Variants in CGGBP1 observed in about 807,000 individuals in gnomAD.
CGGBP1 encodes the protein CGG triplet repeat-binding protein 1.
In CGGBP1, 4 loss-of-function variants were observed where a neutral mutation model predicts 11.4. The observed-to-expected ratio is 0.35, with a 90% CI of 0.17 to 0.80. The LOEUF (loss-of-function observed/expected upper bound fraction) is 0.80. Ranked by LOEUF, CGGBP1 falls within the 30% of genes least tolerant of loss-of-function variation. The pLI is 0.52. For missense variants in CGGBP1, 135 were observed against 202.1 expected (o/e 0.67, Z 2.01); for synonymous variants, 76 against 74.1 (o/e 1.03, Z -0.13).
chr3:88,119,563 C>T (rs1432069402), intron 2 of CGGBP1, among the ~76,000 whole-genome samples: 4 of 150,272 alleles, frequency 2.7e-5, no homozygotes, highest in African/African-American at 9.8e-5. Context: ...AAAAAAAAAA[C>T]AATAATTATT....
chr3:88,084,055 C>G (rs1472534308), intron 2 of CGGBP1, among the ~76,000 whole-genome samples: 1 of 151,904 alleles, frequency 6.6e-6, no homozygotes, highest in Non-Finnish European at 1.5e-5. Context: ...AAAACGGTAT[C>G]TAAATTTCAG....
chr3:88,057,902 A>G (rs1011168059), intron 2 of CGGBP1, 117 bp downstream of exon 2: 8 of 152,254 alleles, frequency 5.3e-5, no homozygotes, highest in Admixed American at 5.2e-4. Context: ...AGAAGAAAAC[A>G]TTTTCAACAA....
chr3:88,058,715 C>A, intron 1 of CGGBP1, 100 bp downstream of exon 1: 1 of 152,480 alleles, frequency 6.6e-6, no homozygotes, highest in Non-Finnish European at 1.5e-5. Flanking sequence ...CAACTGTGCC[C>A]CAGCCCCGCC....
At chr3:88,143,354 A>C (rs1257623554) in intron 1 of CGGBP1, 2 of 152,226 alleles carry the variant, frequency 1.3e-5, no homozygotes, top group African/African-American at 2.4e-5. Flanking sequence ...TGGAATTTAC[A>C]TTTAGGTAAC....
intron 1 of CGGBP1, among the ~76,000 whole-genome samples, chr3:88,145,364 A>G (rs1453903167): frequency 6.6e-6 from 1 of 152,140 alleles, no homozygotes; most frequent in Non-Finnish European, 1.5e-5. Context: ...TGTTACAAGC[A>G]TTATGCCTTG....
In CGGBP1 at chr3:88,088,065, A is replaced by G. The variant is rs2107667899; in HGVS notation, c.-228-29842T>C. Among the ~76,000 whole-genome samples, 2 of 152,344 alleles carry G rather than the reference A, an allele frequency of 1.3e-5. 1 individual carries two copies. The highest frequency in any genetic ancestry group is 4.8e-5 in the African/African-American group (2 of 41,578). On this transcript the variant is annotated intron_variant, in intron 2 of 3. Transcript: ENST00000462901. ...ATTTCTAATTCTGAGCATTTCAGATAAGGGACACTCAACCTATACTACTTT... is the reference window on the plus strand; with the variant it reads ...ATTTCTAATTCTGAGCATTTCAGATGAGGGACACTCAACCTATACTACTTT...
At chr3:88,101,083 C>T (rs1438814267) in intron 2 of CGGBP1, among the ~76,000 whole-genome samples, 1 of 152,180 alleles carries the variant, frequency 6.6e-6, no homozygotes, top group Non-Finnish European at 1.5e-5. Flanking sequence ...TATTTCCCCA[C>T]TCCTTACCCA....
chr3:88,123,899 T>A (rs1705927418), intron 2 of CGGBP1, among the ~76,000 whole-genome samples: 1 of 152,196 alleles, frequency 6.6e-6, no homozygotes. Flanking sequence ...TTTGGGAGCT[T>A]GCTACCTTGC....
intron 2 of CGGBP1, among the ~76,000 whole-genome samples, chr3:88,131,974 G>C (rs753600345): frequency 2.6e-5 from 4 of 152,038 alleles, no homozygotes; most frequent in Non-Finnish European, 4.4e-5. Flanking sequence ...AACCAATGGG[G>C]CAAGTTGCTA....
At chr3:88,127,114 A>G (rs1164065358) in intron 2 of CGGBP1, among the ~76,000 whole-genome samples, 1 of 152,206 alleles carries the variant, frequency 6.6e-6, no homozygotes, top group East Asian at 1.9e-4. Flanking sequence ...TGTAGAAAAC[A>G]TTTAAAAGTG....
chr3:88,129,206 A>T (rs1706292411), intron 2 of CGGBP1, among the ~76,000 whole-genome samples: 1 of 151,968 alleles, frequency 6.6e-6, no homozygotes, highest in Admixed American at 6.6e-5. Context: ...ATCTGATATT[A>T]ACAAATGATG....
chr3:88,091,802 A>C (rs1162614737), intron 2 of CGGBP1, among the ~76,000 whole-genome samples: 2 of 152,174 alleles, frequency 1.3e-5, no homozygotes, highest in South Asian at 2.1e-4. Context: ...CATGTAAGAC[A>C]TGCCTTTGTT....
At chr3:88,099,106 C>G (rs1704242425) in intron 2 of CGGBP1, among the ~76,000 whole-genome samples, 1 of 152,144 alleles carries the variant, frequency 6.6e-6, no homozygotes, top group African/African-American at 2.4e-5. Flanking sequence ...AGCCCAAAAT[C>G]TCCTTAAGCT....
chr3:88,140,207 T>C, intron 2 of CGGBP1: 1 of 1,613,880 alleles, frequency 6.2e-7, no homozygotes, highest in Non-Finnish European at 8.5e-7. Flanking sequence ...AGGCTCAGTG[T>C]AGTTTTCCAG....
In CGGBP1 at chr3:88,141,080, T is replaced by G. The variant is rs201054228; in HGVS notation, c.-337-2A>C. 1.2e-5 allele frequency: 19 copies of G among 1,539,242 alleles called. No homozygotes were observed. Among genetic ancestry groups the G allele is most frequent in the Non-Finnish European group, 1.6e-5 (18 of 1,149,902 alleles). On this transcript the variant is annotated splice_acceptor_variant, in intron 1 of 3. Transcript: ENST00000462901. LOFTEE classifies it low-confidence loss of function (5UTR_SPLICE). Reference sequence around the variant, plus strand: ...CTTCTGTCTTCTTAGTAGAGGTATCTGTAGAAAGAGAAAATGGCATAAATA... The same window carrying G: ...CTTCTGTCTTCTTAGTAGAGGTATCGGTAGAAAGAGAAAATGGCATAAATA...
At chr3:88,110,817 CTT>C (rs1705044366) in intron 2 of CGGBP1, among the ~76,000 whole-genome samples, 1 of 152,092 alleles carries the variant, frequency 6.6e-6, no homozygotes, top group Non-Finnish European at 1.5e-5. Context: ...TAATTTCAGA[CTT>C]TTCTTCATAA....
intron 2 of CGGBP1, among the ~76,000 whole-genome samples, chr3:88,092,908 T>C (rs765895936): frequency 6.6e-6 from 1 of 152,182 alleles, no homozygotes; most frequent in Non-Finnish European, 1.5e-5. Context: ...GTTTTGCTAG[T>C]GTTGTCTACA....
upstream of CGGBP1, chr3:88,059,532 T>C (rs774096559): frequency 6.9e-7 from 1 of 1,458,994 alleles, no homozygotes; most frequent in Non-Finnish European, 9.0e-7. Context: ...CCGCCCCGAC[T>C]TGTCACCCGG....
intron 2 of CGGBP1, among the ~76,000 whole-genome samples, chr3:88,090,051 TTATACA>T (rs888098575): frequency 3.9e-5 from 6 of 152,172 alleles, no homozygotes; most frequent in Non-Finnish European, 8.8e-5. Context: ...GCATATAGAA[TTATACA>T]TATAATACAT....
Sources: gnomAD v4.1 joint callset for allele counts (sites outside exome capture counted in the v4.1 genomes callset) on GRCh38, gnomAD v4.1.1 for gene constraint, MANE v1.5 for transcripts, NCBI Gene and HGNC (gene_info 2026-07-23, HGNC 2026-07-21) for gene names.